The following PCDHA2 variants were observed in gnomAD, a reference collection of about 807,000 sequenced individuals.
PCDHA2 encodes the protein protocadherin alpha-2.
PCDHA2 carries 58 observed loss-of-function variants against 66.0 expected under a neutral mutation model. That is an observed-to-expected ratio of 0.88 (90% confidence interval 0.71 to 1.09). PCDHA2 has a LOEUF of 1.09. Among genes scored for constraint, PCDHA2 ranks in the 50% least tolerant of loss-of-function variants. The probability of loss-of-function intolerance (pLI) is 0.00; values close to 1 mark genes in which losing one functional copy is unlikely to be tolerated. For synonymous variants in PCDHA2, 634 were observed against 554.0 expected, an observed-to-expected ratio of 1.14 and a Z score of -2.03; for missense variants, 1,267 against 1,242.3, an observed-to-expected ratio of 1.02 and a Z score of -0.30.
chr5:140,862,895 T>A, intron 1 of PCDHA2: 1 of 553,854 alleles, frequency 1.8e-6, no homozygotes, highest in South Asian at 1.4e-5. Context: ...ACGACAACTT[T>A]GTCTGCGCTG....
chr5:140,823,902 G>C, intron 1 of PCDHA2: 1 of 1,614,050 alleles, frequency 6.2e-7, no homozygotes, highest in Non-Finnish European at 8.5e-7. Context: ...TGTCCAGCCT[G>C]CTGGTGCTCA....
chr5:140,936,831 A>T lies in PCDHA2; in HGVS notation c.2389-42118A>T, dbSNP rs142448727. 3.1e-3 allele frequency among the ~76,000 whole-genome samples: 478 copies of T among 152,252 alleles called. 2 individuals are homozygous for T. Among genetic ancestry groups the T allele is most frequent in the African/African-American group, 0.011 (455 of 41,554 alleles). Reference sequence around the variant, plus strand: ...GCTATTTTTGGCCCTTTGCATTTCTATATAAATTGTAGATTCAGCTTCTCA... The same window carrying T: ...GCTATTTTTGGCCCTTTGCATTTCTTTATAAATTGTAGATTCAGCTTCTCA... On this transcript the variant is annotated intron_variant, in intron 1 of 3. Transcript: ENST00000526136.
chr5:140,975,201 A>G (rs1253516142), intron 1 of PCDHA2, among the ~76,000 whole-genome samples: 1 of 152,144 alleles, frequency 6.6e-6, no homozygotes, highest in Non-Finnish European at 1.5e-5. Context: ...CTCCATCTTC[A>G]TGGCTGGCAC....
At chr5:140,939,149 C>T (rs2092323339) in intron 1 of PCDHA2, among the ~76,000 whole-genome samples, 1 of 152,124 alleles carries the variant, frequency 6.6e-6, no homozygotes, top group South Asian at 2.1e-4. Flanking sequence ...GATCAAGGTC[C>T]TGGCAGATTT....
intron 1 of PCDHA2, chr5:140,869,869 G>T: frequency 6.2e-7 from 1 of 1,610,244 alleles, no homozygotes; most frequent in Non-Finnish European, 8.5e-7. Flanking sequence ...GGAAAATGCT[G>T]CTAAAGAAAC....
intron 3 of PCDHA2, among the ~76,000 whole-genome samples, chr5:140,984,467 T>G (rs1358469857): frequency 4.6e-5 from 7 of 152,220 alleles, no homozygotes; most frequent in African/African-American, 1.7e-4. Context: ...CCAGCCCCTC[T>G]TGTATAACCC....
At chr5:141,002,020 T>A (rs1380012353) in intron 3 of PCDHA2, among the ~76,000 whole-genome samples, 4 of 152,166 alleles carry the variant, frequency 2.6e-5, no homozygotes, top group Admixed American at 6.5e-5. Flanking sequence ...TGCACAGCCT[T>A]CGGTGCCCTG....
At chr5:140,991,843 T>G (rs2097475576) in intron 3 of PCDHA2, among the ~76,000 whole-genome samples, 1 of 152,194 alleles carries the variant, frequency 6.6e-6, no homozygotes, top group Admixed American at 6.6e-5. Context: ...GAACCGCACT[T>G]CCAGATACCA....
intron 1 of PCDHA2, among the ~76,000 whole-genome samples, chr5:140,909,322 T>A (rs1554193738): frequency 6.6e-6 from 1 of 152,236 alleles, no homozygotes. Context: ...ATTTGCCAAA[T>A]CAATGGTTGC....
Position 140,883,704 on chromosome 5 carries a change from C to A in PCDHA2, c.2388+86352C>A, listed in dbSNP as rs782488934. The A allele has an allele frequency of 1.9e-5, 31 of 1,613,628 alleles. 1 individual carries two copies. In the Middle Eastern group the frequency reaches 5.0e-4, roughly 26 times the overall value. ...GGCTGCCACATCTTCACGGTGTCTG[C>A]TCAGGACGCGGACGCACAGGAGAAC... On this transcript the variant is annotated intron_variant, in intron 1 of 3. Transcript: ENST00000526136.
rs139859573 is a variant in PCDHA2, at chr5:140,940,130, A to G, written c.2389-38819A>G. ...TGTATTATTTACCTCTATTTCTGCT[A>G]GTGATAAACTATTATAGTTTTTGTT... On this transcript the variant is annotated intron_variant, in intron 1 of 3. Transcript: ENST00000526136. Among the ~76,000 whole-genome samples, 378 of 152,286 alleles carry G rather than the reference A, an allele frequency of 2.5e-3. 4 individuals carry two copies. Among genetic ancestry groups the G allele is most frequent in the Non-Finnish European group, 4.6e-3 (313 of 68,020 alleles).
At chr5:140,983,437 A>C (rs1046174445) in intron 3 of PCDHA2, among the ~76,000 whole-genome samples, 1 of 152,202 alleles carries the variant, frequency 6.6e-6, no homozygotes, top group African/African-American at 2.4e-5. Flanking sequence ...AATTGTGTCT[A>C]CTCTAATCCT....
At position 140,849,809 on chromosome 5, in the gene PCDHA2, G is replaced by T. The variant is rs147465571; in HGVS notation, c.2388+52457G>T. 1.1e-3 allele frequency: 1,794 copies of T among 1,598,496 alleles called. 170 individuals are homozygous for T. The highest frequency in any genetic ancestry group is 1.4e-3 in the Non-Finnish European group (1,689 of 1,167,928). On this transcript the variant is annotated intron_variant, in intron 1 of 3. Transcript: ENST00000526136. ...GGGGCTCGCCTTCACTGTGGGCCACGGCCAGGGTGTCTGTGGAGGTGGCCG... is the reference window on the plus strand; with the variant it reads ...GGGGCTCGCCTTCACTGTGGGCCACTGCCAGGGTGTCTGTGGAGGTGGCCG...
At chr5:140,848,856 G>C in intron 1 of PCDHA2, 1 of 1,590,682 alleles carries the variant, frequency 6.3e-7, no homozygotes, top group Non-Finnish European at 8.6e-7. Context: ...CCATGTGGAC[G>C]TGGAGGTGAA....
chr5:140,834,509 C>T (rs1773064417), intron 1 of PCDHA2: 2 of 1,614,012 alleles, frequency 1.2e-6, no homozygotes, highest in Admixed American at 1.7e-5. Flanking sequence ...CTAAACATGG[C>T]AACTTCGTGG....
rs1554149884 is a variant in PCDHA2, at chr5:140,857,345, C to T, written c.2388+59993C>T. Reference sequence around the variant, plus strand: ...GACCGCGCGGGACGGGGGCTCGCCTCCGCTGTGGGCCACGGCCAGCGTGTC... The same window carrying T: ...GACCGCGCGGGACGGGGGCTCGCCTTCGCTGTGGGCCACGGCCAGCGTGTC... On this transcript the variant is annotated intron_variant, in intron 1 of 3. Coordinates refer to ENST00000526136, the MANE Select transcript of PCDHA2 (RefSeq NM_018905.3). The T allele has an allele frequency of 5.6e-6, 9 of 1,598,348 alleles. No homozygotes were observed. The Admixed American group carries it at 6.7e-5, about 12-fold the overall frequency.
chr5:140,924,785 C>G (rs2082005933), intron 1 of PCDHA2, among the ~76,000 whole-genome samples: 1 of 151,704 alleles, frequency 6.6e-6, no homozygotes, highest in African/African-American at 2.4e-5. Context: ...GTCCTAGCTA[C>G]TTAGGAGGCT....
chr5:140,884,504 GGGAGTT>G, intron 1 of PCDHA2: 1 of 1,614,180 alleles, frequency 6.2e-7, no homozygotes, highest in Non-Finnish European at 8.5e-7. Context: ...CAGCGCGGCA[GGGAGTT>G]GGTCGTACTC....
chr5:140,883,065 C>T, intron 1 of PCDHA2: 1 of 1,614,056 alleles, frequency 6.2e-7, no homozygotes, highest in Non-Finnish European at 8.5e-7. Flanking sequence ...AAGCTAAATG[C>T]CACAGATCCT....
Sources: allele counts gnomAD v4.1 joint callset (sites outside exome capture counted in the v4.1 genomes callset), GRCh38; gene constraint gnomAD v4.1.1; transcripts MANE v1.5; gene names NCBI Gene and HGNC (gene_info 2026-07-23, HGNC 2026-07-21).